SRBD1: variants seen among roughly 807,000 people sequenced by gnomAD.
SRBD1 encodes S1 RNA-binding domain-containing protein 1.
Under a neutral mutation model 115.3 loss-of-function variants are expected in SRBD1, and 88 were observed. The observed-to-expected ratio is 0.76, with a 90% confidence interval of 0.64 to 0.91. The LOEUF is 0.91. Among genes scored for constraint, SRBD1 ranks in the 40% least tolerant of loss-of-function variants. The pLI is 0.00. For synonymous variants in SRBD1, 509 were observed against 407.7 expected, an observed-to-expected ratio of 1.25 and a Z score of -2.99; for missense variants, 1,385 against 1,177.4, an observed-to-expected ratio of 1.18 and a Z score of -2.58.
chr2:45,441,930 C>G (rs1242756432), intron 16 of SRBD1, among the ~76,000 whole-genome samples: 1 of 152,166 alleles, frequency 6.6e-6, no homozygotes, highest in Non-Finnish European at 1.5e-5. Flanking sequence ...CCAATACTTT[C>G]TGGGTAGGTT....
chr2:45,423,394 T>C (rs576936008), intron 16 of SRBD1, among the ~76,000 whole-genome samples: 40 of 152,292 alleles, frequency 2.6e-4, no homozygotes, highest in African/African-American at 9.4e-4. Flanking sequence ...ATCAGATGTG[T>C]TTACACAATG....
chr2:45,409,515 C>CAAAAAAAAAAAAAAAAAGAAAA (rs59849294), intron 19 of SRBD1, among the ~76,000 whole-genome samples: 1 of 117,918 alleles, frequency 8.5e-6, no homozygotes, highest in African/African-American at 3.2e-5. Flanking sequence ...TTGCAATAGG[C>CAAAAAAAAAAAAAAAAAGAAAA]AAAAAAAAAA....
chr2:45,508,481 A>G (rs1212157455), intron 14 of SRBD1, among the ~76,000 whole-genome samples: 14 of 152,222 alleles, frequency 9.2e-5, no homozygotes, highest in Non-Finnish European at 2.9e-5. Context: ...TGTCCTAAAA[A>G]TATAGTCTTT....
At chr2:45,484,646 G>C (rs1410313956) in intron 15 of SRBD1, among the ~76,000 whole-genome samples, 1 of 152,130 alleles carries the variant, frequency 6.6e-6, no homozygotes, top group Non-Finnish European at 1.5e-5. Context: ...GTGCTACTTA[G>C]CATACTTGCA....
chr2:45,600,613 A>G (rs1354372223), intron 3 of SRBD1, among the ~76,000 whole-genome samples: 2 of 152,210 alleles, frequency 1.3e-5, no homozygotes, highest in African/African-American at 4.8e-5. Context: ...GAGTCCGCAC[A>G]GCAGCCCACA....
At chr2:45,521,969 C>G (rs1362160192) in intron 14 of SRBD1, among the ~76,000 whole-genome samples, 1 of 144,886 alleles carries the variant, frequency 6.9e-6, no homozygotes, top group African/African-American at 2.6e-5. Context: ...TCCTATCTCC[C>G]AAAAAAAGAA....
intron 14 of SRBD1, among the ~76,000 whole-genome samples, chr2:45,542,856 C>T (rs1389924984): frequency 6.6e-6 from 1 of 152,152 alleles, no homozygotes; most frequent in African/African-American, 2.4e-5. Context: ...ACAATGAATA[C>T]TGTTCAGGAA....
At chr2:45,400,702 T>G (rs1667268841) in intron 19 of SRBD1, among the ~76,000 whole-genome samples, 1 of 152,060 alleles carries the variant, frequency 6.6e-6, no homozygotes, top group Admixed American at 6.6e-5. Flanking sequence ...ATAATCATAT[T>G]AACACTAGCT....
chr2:45,472,334 C>G (rs1669674044), intron 16 of SRBD1, among the ~76,000 whole-genome samples: 2 of 152,178 alleles, frequency 1.3e-5, no homozygotes, highest in South Asian at 4.1e-4. Context: ...CGGAGAATGA[C>G]TGCTAATGAA....
chr2:45,414,749 C>CACACACACAGTGTGTATATAGTATGT (rs1558563412), intron 18 of SRBD1, among the ~76,000 whole-genome samples: 4 of 142,912 alleles, frequency 2.8e-5, no homozygotes, highest in African/African-American at 5.4e-5. Context: ...ATAGTATGTA[C>CACACACACAGTGTGTATATAGTATGT]ACACACACAG....
intron 19 of SRBD1, among the ~76,000 whole-genome samples, chr2:45,395,200 C>G (rs1667110197): frequency 6.6e-6 from 1 of 152,204 alleles, no homozygotes; most frequent in African/African-American, 2.4e-5. Context: ...TTCAAATCCT[C>G]AAGATTCTGG....
rs1275006599 is a variant in SRBD1, at chr2:45,528,017, G to C, written c.1874+18715C>G. 2.0e-5 allele frequency among the ~76,000 whole-genome samples: 3 copies of C among 151,906 alleles called. No homozygotes were observed. In the East Asian group the frequency reaches 5.8e-4, roughly 29 times the overall value. ...GGAGAGATTTAGCTGAGGCAATTTT[G>C]AATAATAAAACAATGTTGAAAATGG... On this transcript the variant is annotated intron_variant, in intron 14 of 20. Transcript: ENST00000263736.
chr2:45,556,740 G>A (rs1348933030), intron 10 of SRBD1, among the ~76,000 whole-genome samples: 1 of 152,092 alleles, frequency 6.6e-6, no homozygotes, highest in Non-Finnish European at 1.5e-5. Flanking sequence ...TGGGATTATA[G>A]GCGTGACCCA....
At chr2:45,423,418 T>C (rs1444451021) in intron 16 of SRBD1, among the ~76,000 whole-genome samples, 3 of 152,220 alleles carry the variant, frequency 2.0e-5, no homozygotes, top group Non-Finnish European at 2.9e-5. Context: ...AAACACATTA[T>C]TGTTCCATAT....
In SRBD1 at chr2:45,602,059, G is replaced by A. The variant is rs757353505; in HGVS notation, c.105C>T (p.Asp35=). The change falls in exon 3 of 21, where the codon GAC becomes GAT. Residue 35 remains aspartate (D), a synonymous_variant. Coordinates refer to ENST00000263736, the MANE Select transcript of SRBD1 (RefSeq NM_018079.5). ...GGGGCTCCCAGGCACTATCTTCCTT[G>A]TCATCTTCTTCAGAGGCAGATGATC... ...SELSSASEED[D]KEDSAWEPQK... 1 of 1,613,806 alleles carries A rather than the reference G, an allele frequency of 6.2e-7. No homozygotes were observed. Among genetic ancestry groups the A allele is most frequent in the South Asian group, 1.1e-5 (1 of 91,024 alleles).
chr2:45,527,944 A>T (rs1406639468), intron 14 of SRBD1, among the ~76,000 whole-genome samples: 1 of 151,952 alleles, frequency 6.6e-6, no homozygotes, highest in Non-Finnish European at 1.5e-5. Context: ...AATGGAAGCC[A>T]CTGAAAACAG....
At chr2:45,598,150 C>T (rs796354645) in intron 4 of SRBD1, among the ~76,000 whole-genome samples, 8 of 152,298 alleles carry the variant, frequency 5.3e-5, no homozygotes, top group African/African-American at 1.7e-4. Flanking sequence ...AAAACACTGC[C>T]TTCTAGGTAT....
At chr2:45,591,540 C>T (rs1294316745) in intron 4 of SRBD1, among the ~76,000 whole-genome samples, 2 of 152,076 alleles carry the variant, frequency 1.3e-5, no homozygotes, top group Non-Finnish European at 2.9e-5. Flanking sequence ...CAAAATGAAC[C>T]CATTGGACAG....
At chr2:45,406,841 G>C (rs1667451957) in intron 19 of SRBD1, among the ~76,000 whole-genome samples, 1 of 151,660 alleles carries the variant, frequency 6.6e-6, no homozygotes. Flanking sequence ...CGTGATGATA[G>C]AGTAACACTC....
Sources: gnomAD v4.1 joint callset for allele counts (sites outside exome capture counted in the v4.1 genomes callset) on GRCh38, gnomAD v4.1.1 for gene constraint, MANE v1.5 for transcripts, NCBI Gene and HGNC (gene_info 2026-07-23, HGNC 2026-07-21) for gene names.